Variants in INAVA observed in about 807,000 individuals in gnomAD.
The protein encoded by INAVA is innate immunity activator protein.
Under a neutral mutation model 55.3 loss-of-function variants are expected in INAVA, and 32 were observed. The observed-to-expected ratio is 0.58, with a 90% confidence interval of 0.44 to 0.78. INAVA has a LOEUF of 0.78. Among genes scored for constraint, INAVA ranks in the 30% least tolerant of loss-of-function variants. The pLI is 0.00. For synonymous variants in INAVA, 294 were observed against 329.4 expected (o/e 0.89, Z 1.16); for missense variants, 756 against 786.4 (o/e 0.96, Z 0.46).
chr1:200,910,983 G>A (rs372398992), intron 8 of INAVA, among the ~76,000 whole-genome samples: 339 of 152,204 alleles, frequency 2.2e-3, no homozygotes, highest in Non-Finnish European at 3.3e-3. Flanking sequence ...TGGATGATCT[G>A]CCACTGGACA....
chr1:200,905,231 T>C (rs1653433502), intron 5 of INAVA, among the ~76,000 whole-genome samples: 1 of 152,144 alleles, frequency 6.6e-6, no homozygotes, highest in African/African-American at 2.4e-5. Context: ...CTGCCTGCTC[T>C]GGGTAAAGAT....
At chr1:200,909,454 G>A in intron 8 of INAVA, 57 bp downstream of exon 8, 1 of 1,392,786 alleles carries the variant, frequency 7.2e-7, no homozygotes, top group Non-Finnish European at 9.5e-7. Context: ...ATCGTTGGAG[G>A]GTGGGAGCTC....
Position 200,912,113 on chromosome 1 carries a change from A to G in INAVA, c.1620A>G (p.Gly540=), listed in dbSNP as rs1336952439. The stretch of plus-strand genomic sequence containing the variant: ...TGCCCCTTGGGAGAGAGGGCTTCGG[A>G]CGAGCCCTGGGACCCCGGGCACAGG... The part of the protein sequence containing the change: ...RSLPLGREGF[G]RALGPRAQVP... The change falls in exon 9 of 10, where the codon GGA becomes GGG. Residue 540 remains glycine, a synonymous_variant. Coordinates refer to ENST00000413687, the MANE Select transcript of INAVA (RefSeq NM_001142569.3). 1 of 1,549,194 alleles carries G rather than the reference A, an allele frequency of 6.5e-7. No individual in the cohort carries two copies. The highest frequency in any genetic ancestry group is 2.0e-5 in the Admixed American group (1 of 50,956).
intron 6 of INAVA, chr1:200,908,499 TG>T: frequency 2.3e-6 from 1 of 439,246 alleles, no homozygotes; most frequent in South Asian, 4.7e-5. Context: ...AGAGTCAATC[TG>T]GGAGGCTTCT....
upstream of INAVA, chr1:200,891,549 A>G: frequency 6.2e-7 from 1 of 1,602,416 alleles, no homozygotes; most frequent in Non-Finnish European, 8.5e-7. Flanking sequence ...GGATGCTGCA[A>G]ATGCCGAAGT....
At chr1:200,892,417 T>TAAA (rs200987467), upstream of INAVA, among the ~76,000 whole-genome samples, 153 of 151,240 alleles carry the variant, frequency 1.0e-3, no homozygotes, top group Middle Eastern at 6.8e-3. Flanking sequence ...AACTTTTTTT[T>TAAA]AAAAAAAATG....
Position 200,901,093 on chromosome 1 carries a change from C to T in INAVA, c.454C>T (p.Arg152Cys), listed in dbSNP as rs770814611. Reference protein sequence around the residue: ...QEEKKLQELQRCLVERRRNSE... With the variant: ...QEEKKLQELQCCLVERRRNSE... ...GGAGAAGAAGCTGCAGGAGCTCCAG[C>T]GCTGCCTGGTCGAGCGGCGGCGCAA... Residue 152 changes from arginine (R) to cysteine (C), a missense_variant, in exon 5 of 10, where the codon CGC (arginine) becomes TGC (cysteine). Physicochemically the swap from Arg to Cys is radical, Grantham distance 180. Coordinates refer to ENST00000413687, the MANE Select transcript of INAVA (RefSeq NM_001142569.3). 4 of 1,537,890 alleles carry T rather than the reference C, an allele frequency of 2.6e-6. No individual in the cohort carries two copies. The highest frequency in any genetic ancestry group is 2.4e-5 in the South Asian group (2 of 83,878).
At position 200,912,064 on chromosome 1, in the gene INAVA, A is replaced by G. The variant is rs1316116560; in HGVS notation, c.1571A>G (p.Gln524Arg). ...ACCCGCCCCCACTCACTGGACCGCC[A>G]AGGAGCTTTCCGGGTCAGGAGCCTG... Reference protein sequence around the residue: ...RSTRPHSLDRQGAFRVRSLPL... With the variant: ...RSTRPHSLDRRGAFRVRSLPL... Residue 524 changes from glutamine (Q) to arginine (R), a missense_variant, in exon 9 of 10, where the codon CAA becomes CGA. Around this residue, in one of 2 missense-constraint regions of INAVA, gnomAD observed 117 missense variants for 162.1 expected, o/e 0.72. Transcript: ENST00000413687. 1.3e-6 allele frequency: 2 copies of G among 1,548,094 alleles called. No homozygotes were observed. The highest frequency in any genetic ancestry group is 2.0e-5 in the Admixed American group (1 of 50,966).
In INAVA at chr1:200,909,214, C is replaced by T; in HGVS notation, c.786-10C>T. 6.7e-7 allele frequency: 1 copy of T among 1,499,676 alleles called. No homozygotes were observed. The highest frequency in any genetic ancestry group is 8.9e-7 in the Non-Finnish European group (1 of 1,120,528). 92.9% of individuals were successfully genotyped at this position (1,499,676 alleles called of 1,614,324 possible). A position where few individuals can be genotyped will look rare whatever the true frequency, so the allele number is the denominator to read the frequency against. Reference sequence around the variant, plus strand: ...TTCCTGCCACTGACCTGTCTCTAATCCTTTTGCAGCAGCCCAGCCACCACA... The same window carrying T: ...TTCCTGCCACTGACCTGTCTCTAATTCTTTTGCAGCAGCCCAGCCACCACA... On this transcript the variant is annotated splice_polypyrimidine_tract_variant and intron_variant, in intron 7 of 9. Transcript: ENST00000413687.
At chr1:200,895,726 G>A (rs1668333804) in intron 1 of INAVA, among the ~76,000 whole-genome samples, 1 of 152,144 alleles carries the variant, frequency 6.6e-6, no homozygotes, top group Non-Finnish European at 1.5e-5. Flanking sequence ...GGCTGTACGG[G>A]TTTCCTTCTT....
rs1339491665 is a variant in INAVA at position 200,911,582 on chromosome 1, C to A, written c.1089C>A (p.Ala363=). ...CGACCAAGCCCCCGCTGCCCCACGC[C>A]GCCTGCCACTCCTGCTCAGAAGACA... ...FPATKPPLPH[A]ACHSCSEDSG... is the part of the protein sequence containing the mutation. Residue 363 remains alanine (A), a synonymous_variant, in exon 9 of 10, where the codon GCC becomes GCA. Transcript: ENST00000413687. 1 of 1,613,816 alleles carries A rather than the reference C, an allele frequency of 6.2e-7. No homozygotes were observed. The highest frequency in any genetic ancestry group is 1.7e-5 in the Admixed American group (1 of 60,022).
chr1:200,898,383 T>G lies in INAVA; in HGVS notation c.-18T>G, dbSNP rs771567728. 1 of 1,614,102 alleles carries G rather than the reference T, an allele frequency of 6.2e-7. No individual in the cohort carries two copies. The highest frequency in any genetic ancestry group is 8.5e-7 in the Non-Finnish European group (1 of 1,180,004). On this transcript the variant is annotated 5_prime_UTR_variant, in exon 2 of 10. Transcript: ENST00000413687. ...TCCCCCCTCCCTGCTCTGTGCCCTC[T>G]CCTTCCAGAAATCCACCATGGAGAG...
Position 200,900,896 on chromosome 1 carries a change from T to G in INAVA, c.298-41T>G, listed in dbSNP as rs1571863140. 11 of 1,469,138 alleles carry G rather than the reference T, an allele frequency of 7.5e-6. No homozygotes were observed. The South Asian group carries it at 1.1e-4, about 14-fold the overall frequency. The allele number at this position is 1,469,138 out of a possible 1,614,324, so 91.0% of individuals were successfully genotyped here. A position where few individuals can be genotyped will look rare whatever the true frequency, so the allele number is the denominator to read the frequency against. On this transcript the variant is annotated intron_variant, in intron 4 of 9. Transcript: ENST00000413687. The stretch of plus-strand genomic sequence containing the variant: ...CTGTCCACCCTCTGGGCCCCCAATC[T>G]CCCTGCCTCTCTCTAGCCTCACTCC...
chr1:200,911,942 G>A lies in INAVA; in HGVS notation c.1449G>A (p.Thr483=), dbSNP rs1330702112. Residue 483 remains threonine, a synonymous_variant, in exon 9 of 10, where the codon ACG becomes ACA. Transcript: ENST00000413687. ...LVPSRSRIVR[T]PSLKDSPAGR... ...CCTCCCGCAGCCGCATCGTGCGGAC[G>A]CCCTCCCTGAAGGACAGCCCGGCAG... 13 of 1,552,706 alleles carry A rather than the reference G, an allele frequency of 8.4e-6. No individual in the cohort carries two copies. The highest frequency in any genetic ancestry group is 1.2e-5 in the South Asian group (1 of 85,442).
intron 6 of INAVA, 192 bp downstream of exon 6, chr1:200,908,079 G>A (rs971281588): frequency 1.6e-5 from 8 of 490,056 alleles, no homozygotes; most frequent in African/African-American, 7.7e-5. Context: ...GGGAATGTGC[G>A]ATCATCTCCC....
chr1:200,904,335 C>T (rs1653398820), intron 5 of INAVA, among the ~76,000 whole-genome samples: 2 of 152,196 alleles, frequency 1.3e-5, no homozygotes, highest in African/African-American at 4.8e-5. Context: ...GGGATCCTCC[C>T]GCCTTGGCCT....
Position 200,899,597 on chromosome 1 carries a change from G to A in INAVA, c.180G>A (p.Ala60=), listed in dbSNP as rs867224605. The change falls in exon 3 of 10, where the codon GCG becomes GCA. Residue 60 remains alanine, a splice_region_variant and synonymous_variant. Coordinates refer to ENST00000413687, the MANE Select transcript of INAVA (RefSeq NM_001142569.3). ...TGAGGAGACTCTGCCTTCGGGAAGC[G>A]GTGAGGCCCCAGCCAGCACACACAA... ...EELRRLCLRE[A]ELTGTLPAEY... The A allele has an allele frequency of 1.4e-5, 22 of 1,611,820 alleles. No homozygotes were observed. Among genetic ancestry groups the A allele is most frequent in the South Asian group, 8.8e-5 (8 of 90,860 alleles).
Position 200,909,110 on chromosome 1 carries a change from AG to A in INAVA, c.786-113del. 4.5e-6 allele frequency: 6 copies of A among 1,341,486 alleles called. No homozygotes were observed. In the South Asian group the frequency reaches 9.0e-5, roughly 20 times the overall value. 83.1% of individuals were successfully genotyped at this position (1,341,486 alleles called of 1,614,324 possible). A position where few individuals can be genotyped will look rare whatever the true frequency, so the allele number is the denominator to read the frequency against. On this transcript the variant is annotated intron_variant, in intron 7 of 9. Transcript: ENST00000413687. ...TTGATAGTTCCCCAAGGGTGCTGGC[AG>A]TTTGCCCTACTAACTTTGGGAGCCC...
intron 2 of INAVA, 59 bp from the exon 3 acceptor site, chr1:200,899,414 G>A (rs1653130337): frequency 6.2e-7 from 1 of 1,607,952 alleles, no homozygotes; most frequent in Non-Finnish European, 8.5e-7. Context: ...TGGTCAATAA[G>A]TAACGGAGGA....
Sources: gnomAD v4.1 joint callset for allele counts (sites outside exome capture counted in the v4.1 genomes callset) on GRCh38, gnomAD v4.1.1 for gene constraint, gnomAD v4.1.1 regional missense constraint, MANE v1.5 for transcripts, NCBI Gene and HGNC (gene_info 2026-07-23, HGNC 2026-07-21) for gene names.